Variants in SYT14 observed in about 807,000 individuals in gnomAD.
SYT14 encodes the protein synaptotagmin-14.
A neutral mutation model predicts 74.2 loss-of-function variants in SYT14; 32 were observed. The ratio of observed to expected loss-of-function variants is 0.43; its 90% confidence interval spans 0.33 to 0.58. SYT14 has a LOEUF of 0.58. Ranked by LOEUF, SYT14 falls within the 20% of genes least tolerant of loss-of-function variation. SYT14 has a pLI of 0.05. For missense variants in SYT14, 791 were observed against 981.8 expected (o/e 0.81, Z 2.60); for synonymous variants, 298 against 337.7 (o/e 0.88, Z 1.29).
At chr1:210,160,834 T>C in exon 10 of SYT14, 1 of 1,614,020 alleles carries the variant, frequency 6.2e-7, no homozygotes, top group Non-Finnish European at 8.5e-7. Flanking sequence ...AAGGAAACTT[T>C]TGTCTTTCAA....
chr1:210,013,869 G>A (rs2080134906), intron 3 of SYT14, 72 bp downstream of exon 3: 1 of 1,461,176 alleles, frequency 6.8e-7, no homozygotes, highest in African/African-American at 1.4e-5. Context: ...TTTAATATAT[G>A]CAATAAAAAG....
At chr1:210,101,844 ACT>A (rs1285903545) in intron 7 of SYT14, among the ~76,000 whole-genome samples, 12 of 152,194 alleles carry the variant, frequency 7.9e-5, no homozygotes, top group South Asian at 4.1e-4. Flanking sequence ...GAAGAGAAAG[ACT>A]CTGTCATCAA....
At chr1:210,147,914 A>C (rs2083074078) in intron 7 of SYT14, among the ~76,000 whole-genome samples, 1 of 152,118 alleles carries the variant, frequency 6.6e-6, no homozygotes, top group Non-Finnish European at 1.5e-5. Flanking sequence ...AAGCGGATGG[A>C]GCAGCCCATC....
chr1:209,990,549 G>GTATATATATATA, intron 2 of SYT14, among the ~76,000 whole-genome samples: 4 of 56,894 alleles, frequency 7.0e-5, no homozygotes, highest in Non-Finnish European at 1.9e-4. Flanking sequence ...GTATATATAT[G>GTATATATATATA]TATATATATA....
Position 210,157,294 on chromosome 1 carries a change from TAGTC to T in SYT14, c.2224+1387_2224+1390del, listed in dbSNP as rs1265877436. ...CTGACTCTACAAAAAATTTAAAAAT[TAGTC>T]AGGCATGGTGGCTTGAGACTGTAGT... On this transcript the variant is annotated intron_variant, in intron 8 of 9. Coordinates refer to ENST00000637265, the Ensembl canonical transcript of SYT14. 2.7e-5 allele frequency among the ~76,000 whole-genome samples: 4 copies of T among 150,768 alleles called. No homozygotes were observed. The South Asian group carries it at 8.5e-4, about 32-fold the overall frequency.
At chr1:210,134,662 G>C (rs2082744753) in intron 7 of SYT14, among the ~76,000 whole-genome samples, 1 of 151,876 alleles carries the variant, frequency 6.6e-6, no homozygotes, top group African/African-American at 2.4e-5. Context: ...ACTCCTTTCT[G>C]CCCCTACCCC....
At chr1:210,118,831 G>A (rs1272634475) in intron 7 of SYT14, among the ~76,000 whole-genome samples, 1 of 152,084 alleles carries the variant, frequency 6.6e-6, no homozygotes, top group Admixed American at 6.6e-5. Flanking sequence ...CAGTAACATT[G>A]AGTGAGGTTG....
At chr1:209,953,087 T>C (rs1157784371) in intron 2 of SYT14, 1 of 1,319,078 alleles carries the variant, frequency 7.6e-7, no homozygotes, top group Non-Finnish European at 9.9e-7. Context: ...TGATCTCCCA[T>C]TGACTTCTGT....
exon 6 of SYT14, chr1:210,094,393 A>C: frequency 6.2e-7 from 1 of 1,614,052 alleles, no homozygotes; most frequent in Middle Eastern, 1.6e-4. Flanking sequence ...TCAGGATGAC[A>C]GTGGTTCTCC....
At position 210,081,245 on chromosome 1, in the gene SYT14, C is replaced by T. The variant is rs566444365; in HGVS notation, c.1313-13077C>T. Among the ~76,000 whole-genome samples the T allele has an allele frequency of 3.9e-5, 6 of 152,132 alleles. 1 individual carries two copies. The South Asian group carries it at 8.3e-4, about 21-fold the overall frequency. ...TGTATACCTTTAAAGAGTATAGAAC[C>T]GGCTCTGAAGAACTATAATACTATA... On this transcript the variant is annotated intron_variant, in intron 5 of 9. Transcript: ENST00000637265.
At chr1:209,938,955 C>T (rs896819041) in intron 1 of SYT14, among the ~76,000 whole-genome samples, 14 of 152,154 alleles carry the variant, frequency 9.2e-5, no homozygotes, top group East Asian at 1.9e-4. Context: ...AACAAGCACA[C>T]ATTCTTAGAA....
chr1:210,108,151 C>T (rs539847304), intron 7 of SYT14, among the ~76,000 whole-genome samples: 118 of 152,174 alleles, frequency 7.8e-4, no homozygotes, highest in Non-Finnish European at 1.2e-3. Context: ...CTGGCTCTTG[C>T]TTACACTTCT....
chr1:209,996,129 A>G (rs2079785903), intron 2 of SYT14, among the ~76,000 whole-genome samples: 1 of 152,152 alleles, frequency 6.6e-6, no homozygotes, highest in South Asian at 2.1e-4. Flanking sequence ...AACTAAAATT[A>G]GAGAAGAATT....
chr1:209,953,346 C>G, intron 2 of SYT14: 1 of 824,230 alleles, frequency 1.2e-6, no homozygotes, highest in South Asian at 1.6e-5. Flanking sequence ...CCCCACAACT[C>G]CTTATAAGTA....
intron 7 of SYT14, among the ~76,000 whole-genome samples, chr1:210,133,501 G>A (rs4844949): frequency 0.25 from 37,836 of 152,024 alleles, 5,853 homozygotes; most frequent in South Asian, 0.36. Flanking sequence ...ACCAGTAAAT[G>A]CTTAAATCTG....
chr1:210,168,931 C>T (rs1572407381), exon 10 of SYT14: 2 of 152,076 alleles, frequency 1.3e-5, no homozygotes, highest in South Asian at 2.1e-4. Context: ...ATAGGACGGC[C>T]GCTTCAGTAC....
At chr1:210,163,137 TAAA>T (rs1160955643) in exon 10 of SYT14, 1 of 453,350 alleles carries the variant, frequency 2.2e-6, no homozygotes, top group African/African-American at 2.0e-5. Flanking sequence ...ATCTTCCTAA[TAAA>T]AAGAGTTATC....
chr1:209,980,219 G>C lies in SYT14; in HGVS notation c.-486+27463G>C, dbSNP rs374791125. ...TTTCTCTGATGATCAGTGATGCTGA[G>C]CTTTTTTTCATATGTATGTTGGCTG... is the stretch of plus-strand genomic sequence containing the variant. On this transcript the variant is annotated intron_variant, in intron 2 of 9. Transcript: ENST00000637265. Among the ~76,000 whole-genome samples the C allele has an allele frequency of 1.3e-3, 197 of 152,250 alleles. 7 individuals carry two copies. The South Asian group carries it at 0.039, about 30-fold the overall frequency.
At chr1:210,015,834 T>C in exon 4 of SYT14, 1 of 1,190,874 alleles carries the variant, frequency 8.4e-7, no homozygotes, top group Non-Finnish European at 1.0e-6. Flanking sequence ...CATATTTCTT[T>C]CAATGCATAA....
Sources: gnomAD v4.1 joint callset for allele counts (sites outside exome capture counted in the v4.1 genomes callset) on GRCh38, gnomAD v4.1.1 for gene constraint, MANE v1.5 for transcripts, NCBI Gene and HGNC (gene_info 2026-07-23, HGNC 2026-07-21) for gene names.